Variants in NKAIN3 observed in about 807,000 individuals in gnomAD.
NKAIN3 encodes sodium/potassium-transporting ATPase subunit beta-1-interacting protein 3.
NKAIN3 carries 25 observed loss-of-function variants against 30.2 expected under a neutral mutation model. The observed-to-expected ratio is 0.83, with a 90% CI of 0.60 to 1.16. The LOEUF is 1.16. Ranked by LOEUF, NKAIN3 falls within the 50% of genes most tolerant of loss-of-function variation. The probability of loss-of-function intolerance (pLI) is 0.00; values close to 1 mark genes in which losing one functional copy is unlikely to be tolerated. For missense variants in NKAIN3, 225 were observed against 254.1 expected, an observed-to-expected ratio of 0.89 and a Z score of 0.78; for synonymous variants, 91 against 89.6, an observed-to-expected ratio of 1.02 and a Z score of -0.09.
At chr8:62,496,346 T>G (rs1233301416) in intron 1 of NKAIN3, among the ~76,000 whole-genome samples, 2 of 152,128 alleles carry the variant, frequency 1.3e-5, no homozygotes, top group Non-Finnish European at 2.9e-5. Flanking sequence ...CATGCTTTTA[T>G]AACTCCCATG....
At chr8:62,303,568 T>C (rs775241834) in intron 1 of NKAIN3, among the ~76,000 whole-genome samples, 42 of 150,620 alleles carry the variant, frequency 2.8e-4, no homozygotes, top group Non-Finnish European at 5.1e-4. Context: ...TGAGATCTTA[T>C]ACTTGCGTTT....
At chr8:62,389,227 T>C (rs1190931747) in intron 1 of NKAIN3, among the ~76,000 whole-genome samples, 1 of 152,194 alleles carries the variant, frequency 6.6e-6, no homozygotes, top group East Asian at 1.9e-4. Context: ...TTTTTGTATA[T>C]CTATGGGGTA....
At chr8:62,933,096 C>G (rs1822671695) in intron 5 of NKAIN3, among the ~76,000 whole-genome samples, 1 of 151,950 alleles carries the variant, frequency 6.6e-6, no homozygotes, top group South Asian at 2.1e-4. Context: ...TTCAGATGCT[C>G]TGCTGGATGA....
chr8:62,320,129 G>A (rs1814819871), intron 1 of NKAIN3, among the ~76,000 whole-genome samples: 1 of 152,084 alleles, frequency 6.6e-6, no homozygotes, highest in African/African-American at 2.4e-5. Flanking sequence ...TTTAAAGTCT[G>A]TTTTGTCAGA....
intron 1 of NKAIN3, among the ~76,000 whole-genome samples, chr8:62,411,418 C>CTA (rs1265727620): frequency 6.6e-6 from 1 of 152,110 alleles, no homozygotes; most frequent in Non-Finnish European, 1.5e-5. Flanking sequence ...TAAGAGCCAC[C>CTA]TATCACAAAC....
chr8:62,305,008 T>G, intron 1 of NKAIN3, among the ~76,000 whole-genome samples: 1 of 150,450 alleles, frequency 6.6e-6, no homozygotes, highest in East Asian at 1.9e-4. Context: ...GATACTGATG[T>G]GTAAAATGAG....
At chr8:62,767,173 C>G (rs918050685) in intron 4 of NKAIN3, among the ~76,000 whole-genome samples, 1 of 152,136 alleles carries the variant, frequency 6.6e-6, no homozygotes, top group Admixed American at 6.5e-5. Flanking sequence ...ATGGAGCTGA[C>G]CCCACTATCC....
intron 1 of NKAIN3, among the ~76,000 whole-genome samples, chr8:62,493,744 C>T: frequency 6.6e-6 from 1 of 151,928 alleles, no homozygotes; most frequent in East Asian, 1.9e-4. Flanking sequence ...GATCTTTTGC[C>T]TCTGTTGTTA....
chr8:62,399,492 C>A (rs1817868382), intron 1 of NKAIN3, among the ~76,000 whole-genome samples: 1 of 152,018 alleles, frequency 6.6e-6, no homozygotes, highest in Non-Finnish European at 1.5e-5. Flanking sequence ...GTGTAAGAGG[C>A]AGCCTCTGTC....
chr8:62,808,257 T>C (rs771287541), intron 4 of NKAIN3, among the ~76,000 whole-genome samples: 2 of 152,218 alleles, frequency 1.3e-5, no homozygotes, highest in Non-Finnish European at 2.9e-5. Flanking sequence ...GAACATGCTT[T>C]AGTAGTTGTT....
chr8:62,975,429 A>G lies in NKAIN3; in HGVS notation c.*10022A>G, dbSNP rs998253358. On this transcript the variant is annotated 3_prime_UTR_variant, in exon 7 of 7. Transcript: ENST00000623646. ...GTCCAGGAATTTATCCATTTCTTCT[A>G]AATTTTTTAGTTTATTTGGATAGAG... Among the ~76,000 whole-genome samples, 4 of 152,118 alleles carry G rather than the reference A, an allele frequency of 2.6e-5. No individual in the cohort carries two copies. The East Asian group carries it at 7.7e-4, about 29-fold the overall frequency.
At position 62,271,175 on chromosome 8, in the gene NKAIN3, A is replaced by G. The variant is rs139438620; in HGVS notation, c.54+22048A>G. Reference sequence around the variant, plus strand: ...ATCTAAGTGGCTCTGCATTCTGCCAAGATTGGAATGCAGCATGGATGAAAT... The same window carrying G: ...ATCTAAGTGGCTCTGCATTCTGCCAGGATTGGAATGCAGCATGGATGAAAT... On this transcript the variant is annotated intron_variant, in intron 1 of 6. Transcript: ENST00000623646. 1.0e-3 allele frequency among the ~76,000 whole-genome samples: 157 copies of G among 152,308 alleles called. 2 individuals are homozygous for G. In the East Asian group the frequency reaches 0.022, roughly 21 times the overall value.
At chr8:62,501,019 T>C (rs1807434585) in intron 1 of NKAIN3, among the ~76,000 whole-genome samples, 1 of 152,226 alleles carries the variant, frequency 6.6e-6, no homozygotes, top group Non-Finnish European at 1.5e-5. Flanking sequence ...TTCTTTGTTA[T>C]GCTAATTATA....
chr8:62,450,090 T>C (rs1805596846), intron 1 of NKAIN3, among the ~76,000 whole-genome samples: 1 of 152,188 alleles, frequency 6.6e-6, no homozygotes. Context: ...CATAAGGATA[T>C]TGGCAAGAGC....
chr8:62,579,457 C>T (rs1428815388), intron 1 of NKAIN3, 82 bp from the exon 2 acceptor site: 2 of 1,064,280 alleles, frequency 1.9e-6, no homozygotes, highest in African/African-American at 1.6e-5. Flanking sequence ...AATATGCAGA[C>T]TCCTCCAGCC....
chr8:62,249,337 C>A (rs896380582), intron 1 of NKAIN3, among the ~76,000 whole-genome samples: 4 of 152,254 alleles, frequency 2.6e-5, no homozygotes, highest in Middle Eastern at 3.4e-3. Flanking sequence ...TGCAGGAGGG[C>A]GCGGTCTCAC....
At chr8:62,591,934 A>G (rs73257137) in intron 3 of NKAIN3, among the ~76,000 whole-genome samples, 3,079 of 152,144 alleles carry the variant, frequency 0.02, 114 homozygotes, top group African/African-American at 0.071. Flanking sequence ...CTCCTCGTCC[A>G]TATGAGTTGG....
chr8:62,290,827 T>G (rs9996705), intron 1 of NKAIN3, among the ~76,000 whole-genome samples: 1 of 152,220 alleles, frequency 6.6e-6, no homozygotes, highest in Non-Finnish European at 1.5e-5. Context: ...CAGCTCCTCT[T>G]TGTACCTCTG....
At chr8:62,482,231 A>G (rs7835925) in intron 1 of NKAIN3, 116,597 of 152,070 alleles carry the variant, frequency 0.77, 45,150 homozygotes, top group African/African-American at 0.87. Context: ...CACACAAAAA[A>G]GCAGGCAAAA....
Sources: gnomAD v4.1 joint callset for allele counts (sites outside exome capture counted in the v4.1 genomes callset) on GRCh38, gnomAD v4.1.1 for gene constraint, MANE v1.5 for transcripts, NCBI Gene and HGNC (gene_info 2026-07-23, HGNC 2026-07-21) for gene names.